Variants in ROBO2 observed in about 807,000 individuals in gnomAD.
ROBO2 encodes roundabout guidance receptor 2.
In ROBO2, 53 loss-of-function variants were observed where a neutral mutation model predicts 160.8. The observed-to-expected ratio is 0.33, with a 90% confidence interval of 0.26 to 0.41. The LOEUF (loss-of-function observed/expected upper bound fraction) is 0.41, where lower values mean the gene tolerates loss of function less well. Among genes scored for constraint, ROBO2 ranks in the 10% least tolerant of loss-of-function variants. ROBO2 has a pLI of 1.00. For missense variants in ROBO2, 1,577 were observed against 1,722.4 expected (o/e 0.92, Z 1.49); for synonymous variants, 664 against 611.7 (o/e 1.09, Z -1.26).
intron 2 of ROBO2, among the ~76,000 whole-genome samples, chr3:77,163,110 A>G (rs944126012): frequency 6.6e-6 from 1 of 152,110 alleles, no homozygotes; most frequent in African/African-American, 2.4e-5. Flanking sequence ...TGCTGGGATT[A>G]CAGGTGTGAG....
intron 6 of ROBO2, among the ~76,000 whole-genome samples, chr3:77,528,175 C>T (rs1310232132): frequency 6.6e-6 from 1 of 151,508 alleles, no homozygotes; most frequent in African/African-American, 2.4e-5. Context: ...GTTTAATTCA[C>T]CAATAACTAT....
At chr3:76,946,725 A>C (rs1370523398) in intron 2 of ROBO2, among the ~76,000 whole-genome samples, 2 of 152,172 alleles carry the variant, frequency 1.3e-5, no homozygotes, top group South Asian at 2.1e-4. Flanking sequence ...GACGTGAGCC[A>C]CTGCGCCTGG....
rs11923112 is a variant in ROBO2 at position 76,925,097 on chromosome 3, A to G, written c.110-172917A>G. Among the ~76,000 whole-genome samples, 876 of 150,472 alleles carry G rather than the reference A, an allele frequency of 5.8e-3. 9 individuals carry two copies. The highest frequency in any genetic ancestry group is 0.02 in the African/African-American group (818 of 41,138). ...GTGGCGGGCACCTGTAGTCCCAGCT[A>G]CTTGGGAGGCTGAGGCAGGAGGAGA... On this transcript the variant is annotated intron_variant, in intron 2 of 26. Transcript: ENST00000487694.
intron 8 of ROBO2, among the ~76,000 whole-genome samples, chr3:77,557,102 T>G (rs1027412263): frequency 3.9e-5 from 6 of 151,910 alleles, no homozygotes; most frequent in African/African-American, 1.4e-4. Flanking sequence ...ACTGAAATGC[T>G]ACTACGATAC....
At chr3:76,747,316 T>C (rs1279670943) in intron 2 of ROBO2, among the ~76,000 whole-genome samples, 2 of 152,166 alleles carry the variant, frequency 1.3e-5, no homozygotes, top group South Asian at 4.1e-4. Context: ...GACAATTTTC[T>C]TGTAAGTCTA....
chr3:76,382,662 C>G (rs2076695273), intron 2 of ROBO2, among the ~76,000 whole-genome samples: 1 of 152,136 alleles, frequency 6.6e-6, no homozygotes, highest in Admixed American at 6.5e-5. Flanking sequence ...ATTGTTCAAT[C>G]TGTTAAAGAA....
intron 1 of ROBO2, among the ~76,000 whole-genome samples, chr3:77,059,778 T>A (rs1250583215): frequency 6.6e-6 from 1 of 152,176 alleles, no homozygotes; most frequent in Non-Finnish European, 1.5e-5. Flanking sequence ...GTTGTCTTTA[T>A]CTCAGTGTAA....
intron 2 of ROBO2, among the ~76,000 whole-genome samples, chr3:77,455,614 T>C (rs550775429): frequency 1.2e-4 from 19 of 152,144 alleles, no homozygotes; most frequent in South Asian, 2.1e-4. Flanking sequence ...GTATTTTTAG[T>C]AGAGATGGGG....
rs71104611 is a variant in ROBO2, at chr3:76,642,341, C to CTTT, written c.110-455646_110-455644dup. Among the ~76,000 whole-genome samples the CTTT allele has an allele frequency of 2.1e-3, 129 of 62,220 alleles. 14 individuals carry two copies. Among genetic ancestry groups the CTTT allele is most frequent in the African/African-American group, 2.9e-3 (40 of 13,906 alleles). The allele number at this position is 62,220 out of a possible 152,430, so 40.8% of individuals were successfully genotyped here. ...GCTAATTCAGAAATATTTACACTTG[C>CTTT]TTTTTTTTTTTTTTTTTTTTTTTTT... On this transcript the variant is annotated intron_variant, in intron 2 of 26. Transcript: ENST00000487694.
rs10691388 is a variant in ROBO2 at position 76,127,894 on chromosome 3, CTTTTTTTTTT to C, written c.109+190302_109+190311del. 5.1e-5 allele frequency among the ~76,000 whole-genome samples: 6 copies of C among 117,646 alleles called. 1 individual carries two copies. The highest frequency in any genetic ancestry group is 6.5e-5 in the Non-Finnish European group (4 of 61,070). 77.2% of individuals were successfully genotyped at this position (117,646 alleles called of 152,430 possible). On this transcript the variant is annotated intron_variant, in intron 2 of 26. Transcript: ENST00000487694. ...GAACTGTATGTTCTTGAAGACATTT[CTTTTTTTTTT>C]TTTTTTTTTGAGACGAAGTCCCACT...
At chr3:77,502,811 A>T (rs1360281614) in intron 5 of ROBO2, among the ~76,000 whole-genome samples, 3 of 152,206 alleles carry the variant, frequency 2.0e-5, no homozygotes, top group Non-Finnish European at 4.4e-5. Context: ...ACATTATTTT[A>T]TATAAAGGAT....
intron 2 of ROBO2, among the ~76,000 whole-genome samples, chr3:77,180,942 A>ACTT (rs1217665966): frequency 6.6e-6 from 1 of 152,086 alleles, no homozygotes; most frequent in Non-Finnish European, 1.5e-5. Context: ...AAAAAGAGTT[A>ACTT]CTTCTGGACC....
intron 3 of ROBO2, 31 bp downstream of exon 3, chr3:77,477,602 G>A: frequency 6.3e-7 from 1 of 1,598,228 alleles, no homozygotes; most frequent in South Asian, 1.1e-5. Context: ...GGCCCAGAGA[G>A]ATTGAATTTT....
At chr3:77,574,785 C>A in intron 14 of ROBO2, 55 bp downstream of exon 15, 3 of 1,272,162 alleles carry the variant, frequency 2.4e-6, no homozygotes, top group Non-Finnish European at 3.4e-6. Context: ...ATTTCTGTTA[C>A]AGTACCTATT....
chr3:76,689,756 C>A (rs960038239), intron 2 of ROBO2, among the ~76,000 whole-genome samples: 3 of 152,266 alleles, frequency 2.0e-5, no homozygotes, highest in Admixed American at 1.3e-4. Flanking sequence ...TTTTCTCCAC[C>A]TTTTCCTCCT....
At chr3:77,079,616 A>T (rs558902451) in intron 1 of ROBO2, among the ~76,000 whole-genome samples, 2 of 152,350 alleles carry the variant, frequency 1.3e-5, no homozygotes, top group African/African-American at 4.8e-5. Context: ...GTAGTTTACC[A>T]TAGTGTTTGC....
intron 2 of ROBO2, among the ~76,000 whole-genome samples, chr3:76,215,077 T>G (rs1237218669): frequency 6.6e-6 from 1 of 151,904 alleles, no homozygotes; most frequent in African/African-American, 2.4e-5. Context: ...TCCAGCAAAC[T>G]CCAACAGACC....
intron 2 of ROBO2, among the ~76,000 whole-genome samples, chr3:76,877,856 G>A (rs2072919669): frequency 6.6e-6 from 1 of 152,094 alleles, no homozygotes; most frequent in South Asian, 2.1e-4. Flanking sequence ...TTTCCTAAGT[G>A]CAGAGAGAGA....
chr3:76,220,389 T>C (rs972960237), intron 2 of ROBO2, among the ~76,000 whole-genome samples: 14 of 150,590 alleles, frequency 9.3e-5, no homozygotes, highest in African/African-American at 2.7e-4. Context: ...TATTAAGCGG[T>C]GTGGTCTTTT....
Sources: allele counts gnomAD v4.1 joint callset (sites outside exome capture counted in the v4.1 genomes callset), GRCh38; gene constraint gnomAD v4.1.1; transcripts MANE v1.5; gene names NCBI Gene and HGNC (gene_info 2026-07-23, HGNC 2026-07-21).